ZNF407: variants seen among roughly 807,000 people sequenced by gnomAD.
The protein encoded by ZNF407 is zinc finger protein 407.
A neutral mutation model predicts 131.2 loss-of-function variants in ZNF407; 17 were observed. That is an observed-to-expected ratio of 0.13 (90% CI 0.09 to 0.19). The LOEUF (loss-of-function observed/expected upper bound fraction) is 0.19, where lower values mean the gene tolerates loss of function less well. ZNF407 is among the 10% of genes least tolerant of loss of function. The pLI is 1.00. For synonymous variants in ZNF407, 1,156 were observed against 1,062.0 expected (o/e 1.09, Z -1.72); for missense variants, 2,681 against 2,830.6 (o/e 0.95, Z 1.20).
At chr18:74,709,902 G>A (rs1404212149) in intron 3 of ZNF407, among the ~76,000 whole-genome samples, 1 of 152,012 alleles carries the variant, frequency 6.6e-6, no homozygotes, top group African/African-American at 2.4e-5. Context: ...TTCTGTGGAG[G>A]GAATGAAGTT....
intron 8 of ZNF407, among the ~76,000 whole-genome samples, chr18:75,036,050 G>A (rs927841393): frequency 2.0e-5 from 3 of 152,202 alleles, no homozygotes; most frequent in South Asian, 2.1e-4. Context: ...CAAAAATAAC[G>A]TGTCTTTTTT....
At chr18:74,682,437 A>G (rs996178041) in intron 3 of ZNF407, among the ~76,000 whole-genome samples, 2 of 152,168 alleles carry the variant, frequency 1.3e-5, no homozygotes, top group Non-Finnish European at 2.9e-5. Context: ...TAGTAGTGCC[A>G]TGTCCATCAT....
chr18:74,743,722 A>G (rs1968603093), intron 3 of ZNF407, among the ~76,000 whole-genome samples: 1 of 152,120 alleles, frequency 6.6e-6, no homozygotes, highest in Non-Finnish European at 1.5e-5. Context: ...CATTATCTCT[A>G]GAACATTTTC....
chr18:74,923,097 A>G (rs1971868230), intron 8 of ZNF407, among the ~76,000 whole-genome samples: 2 of 152,058 alleles, frequency 1.3e-5, no homozygotes. Context: ...TATTTTTTTC[A>G]GTCCTTTTTA....
rs967868814 is a variant in ZNF407 at position 75,037,245 on chromosome 18, T to C, written c.5429-25905T>C. Among the ~76,000 whole-genome samples, 5 of 152,174 alleles carry C rather than the reference T, an allele frequency of 3.3e-5. No homozygotes were observed. In the South Asian group the frequency reaches 1.0e-3, roughly 32 times the overall value. On this transcript the variant is annotated intron_variant, in intron 8 of 8. Coordinates refer to ENST00000299687, the MANE Select transcript of ZNF407 (RefSeq NM_017757.3). ...CATTTAGGTAAATAGAGAATAAATA[T>C]TGTCAAGATGATCTAGAGATAATGT...
chr18:74,635,448 G>A lies in ZNF407; in HGVS notation c.4429G>A (p.Glu1477Lys), dbSNP rs2144677675. 1 of 1,613,576 alleles carries A rather than the reference G, an allele frequency of 6.2e-7. No individual in the cohort carries two copies. The highest frequency in any genetic ancestry group is 8.5e-7 in the Non-Finnish European group (1 of 1,179,660). ...GHMRNEQASV[E>K]ELPEGGATFK... ...CATGAGAAATGAGCAGGCCAGTGTG[G>A]AGGAGCTTCCGGAGGGAGGGGCCAC... Residue 1477 changes from glutamate to lysine, a missense_variant, in exon 2 of 9, where the codon GAG becomes AAG. This residue lies in a region of ZNF407 where 213 missense variants were observed against 332.2 expected (regional missense o/e 0.64). Coordinates refer to ENST00000299687, the MANE Select transcript of ZNF407 (RefSeq NM_017757.3). The surrounding 1 kb of genome is among the most constrained non-coding windows in gnomAD (Gnocchi z 4.7).
intron 8 of ZNF407, among the ~76,000 whole-genome samples, chr18:74,999,360 A>AC (rs1178743141): frequency 1.4e-5 from 2 of 146,626 alleles, no homozygotes; most frequent in African/African-American, 5.3e-5. Context: ...AAAAAAAAAA[A>AC]AAAAAAAAAA....
At chr18:74,815,763 T>C (rs1970259036) in intron 4 of ZNF407, among the ~76,000 whole-genome samples, 1 of 152,174 alleles carries the variant, frequency 6.6e-6, no homozygotes, top group Non-Finnish European at 1.5e-5. Context: ...ATAAACTGAA[T>C]CCTGACTCCT....
intron 4 of ZNF407, among the ~76,000 whole-genome samples, chr18:74,849,615 G>A (rs1024879075): frequency 3.9e-5 from 6 of 152,096 alleles, no homozygotes; most frequent in East Asian, 1.9e-4. Flanking sequence ...TGCCCTGTCC[G>A]CTGCACCTCC....
chr18:74,837,806 A>G (rs890245914), intron 4 of ZNF407, among the ~76,000 whole-genome samples: 36 of 152,206 alleles, frequency 2.4e-4, no homozygotes, highest in African/African-American at 8.7e-4. Flanking sequence ...GGTATCCACC[A>G]TCACACCCAG....
intron 8 of ZNF407, among the ~76,000 whole-genome samples, chr18:75,002,896 A>G (rs936531795): frequency 9.2e-5 from 14 of 151,880 alleles, no homozygotes; most frequent in African/African-American, 3.4e-4. Flanking sequence ...AAAGTGTTTT[A>G]CAAATAAAAG....
chr18:74,626,571 G>A (rs1287502959), intron 1 of ZNF407, among the ~76,000 whole-genome samples: 1 of 152,236 alleles, frequency 6.6e-6, no homozygotes, highest in Non-Finnish European at 1.5e-5. Context: ...CATTTGGTAG[G>A]TGCTCAGTAC....
At chr18:74,803,407 G>C (rs1273279498) in intron 4 of ZNF407, among the ~76,000 whole-genome samples, 1 of 152,128 alleles carries the variant, frequency 6.6e-6, no homozygotes, top group Non-Finnish European at 1.5e-5. Flanking sequence ...GAAACTTCCT[G>C]TTTTCTGAGA....
chr18:75,045,505 A>G (rs1973424998), intron 8 of ZNF407, among the ~76,000 whole-genome samples: 1 of 152,234 alleles, frequency 6.6e-6, no homozygotes, highest in South Asian at 2.1e-4. Flanking sequence ...GTTTCGTGAA[A>G]TGAAACATGA....
At chr18:74,688,654 A>G (rs988927273) in intron 3 of ZNF407, among the ~76,000 whole-genome samples, 1 of 152,172 alleles carries the variant, frequency 6.6e-6, no homozygotes, top group African/African-American at 2.4e-5. Flanking sequence ...ATTGTTTTAG[A>G]TTTAACATTA....
chr18:74,963,118 T>C (rs1035224935), intron 8 of ZNF407, among the ~76,000 whole-genome samples: 7 of 152,014 alleles, frequency 4.6e-5, no homozygotes, highest in Admixed American at 3.3e-4. Flanking sequence ...TTAGCTCTAA[T>C]TTTTCTCTCA....
chr18:74,930,783 A>C (rs1971974328), intron 8 of ZNF407, among the ~76,000 whole-genome samples: 1 of 152,232 alleles, frequency 6.6e-6, no homozygotes. Flanking sequence ...TTTTAGAGAC[A>C]TCTCTTTACT....
chr18:74,909,774 G>C (rs368641883), intron 7 of ZNF407, among the ~76,000 whole-genome samples: 9 of 151,988 alleles, frequency 5.9e-5, no homozygotes, highest in African/African-American at 2.2e-4. Context: ...CATTTTTGTT[G>C]TATTTATGAT....
At chr18:74,852,659 A>G (rs1970805705) in intron 4 of ZNF407, among the ~76,000 whole-genome samples, 1 of 152,148 alleles carries the variant, frequency 6.6e-6, no homozygotes, top group Admixed American at 6.6e-5. Flanking sequence ...TATCTGTCAA[A>G]TCTTATTCAA....
Sources: gnomAD v4.1 joint callset for allele counts (sites outside exome capture counted in the v4.1 genomes callset) on GRCh38, gnomAD v4.1.1 for gene constraint, gnomAD v4.1.1 regional missense constraint, Gnocchi (gnomAD v3.1) non-coding constraint, MANE v1.5 for transcripts, NCBI Gene and HGNC (gene_info 2026-07-23, HGNC 2026-07-21) for gene names.